The following NLGN4X variants were observed in gnomAD, a reference collection of about 807,000 sequenced individuals.
The protein encoded by NLGN4X is neuroligin-4, X-linked.
A neutral mutation model predicts 40.3 loss-of-function variants in NLGN4X; 3 were observed. That is an observed-to-expected ratio of 0.07 (90% CI 0.03 to 0.19). NLGN4X has a LOEUF of 0.19. Among genes scored for constraint, NLGN4X ranks in the 10% least tolerant of loss-of-function variants. The pLI, the probability that NLGN4X is intolerant of heterozygous loss-of-function variation, is 1.00. For missense variants in NLGN4X, 382 were observed against 708.3 expected (o/e 0.54, Z 5.23); for synonymous variants, 270 against 306.8 (o/e 0.88, Z 1.25).
chrX:5,893,034 G>A lies in NLGN4X; in HGVS notation c.2234C>T (p.Ser745Leu), dbSNP rs754514506. The A allele has an allele frequency of 5.0e-6, 6 of 1,209,019 alleles. No homozygotes were observed. The highest frequency in any genetic ancestry group is 4.4e-5 in the Admixed American group (2 of 45,588). ...CCTCAGTGTGTCGTGTGCCTGCAGC[G>A]ACTCACACTCGTGATCGTGTTCCAG... ...KQLEHDHECE[S>L]LQAHDTLRLT... is the part of the protein sequence containing the mutation. Residue 745 changes from serine (S) to leucine (L), a missense_variant, in exon 6 of 6, where the codon TCG becomes TTG. Ser to Leu is a moderately radical substitution (Grantham distance 145, BLOSUM62 -2). Around this residue, in one of 5 missense-constraint regions of NLGN4X, gnomAD observed 57 missense variants for 65.6 expected, o/e 0.87. Transcript: ENST00000381095.
chrX:6,095,916 C>CTGTT (rs1258290529), intron 2 of NLGN4X, among the ~76,000 whole-genome samples: 2 of 112,092 alleles, frequency 1.8e-5, no homozygotes, highest in African/African-American at 6.5e-5. Context: ...CATGCATCAC[C>CTGTT]TGTTTATAGC....
At chrX:6,077,307 T>TG (rs2038230069) in intron 2 of NLGN4X, among the ~76,000 whole-genome samples, 2 of 99,938 alleles carry the variant, frequency 2.0e-5, no homozygotes, top group African/African-American at 3.4e-5. Flanking sequence ...TGTGTGTGTG[T>TG]GTGGTGTGTG....
chrX:5,967,755 T>C (rs1442864842), intron 3 of NLGN4X, among the ~76,000 whole-genome samples: 4 of 111,132 alleles, frequency 3.6e-5, no homozygotes, highest in African/African-American at 1.3e-4. Flanking sequence ...CTCAAGAATA[T>C]GCACAAAGAA....
intron 1 of NLGN4X, among the ~76,000 whole-genome samples, chrX:6,219,984 A>G (rs1336446973): frequency 9.0e-6 from 1 of 111,099 alleles, no homozygotes; most frequent in African/African-American, 3.3e-5. Flanking sequence ...CTTTGATTCG[A>G]CAAAAACATA....
intron 3 of NLGN4X, among the ~76,000 whole-genome samples, chrX:5,943,397 G>C (rs973657700): frequency 7.2e-5 from 8 of 111,763 alleles, no homozygotes; most frequent in Non-Finnish European, 1.1e-4. Flanking sequence ...CTTGGGTGAT[G>C]ATGAAGAGAA....
chrX:6,201,721 G>T (rs926190295), intron 1 of NLGN4X, among the ~76,000 whole-genome samples: 2 of 111,177 alleles, frequency 1.8e-5, no homozygotes, highest in Non-Finnish European at 3.8e-5. Context: ...CATGAGCAGG[G>T]AGCAGGGTAA....
At chrX:6,005,112 G>T (rs934012491) in intron 3 of NLGN4X, among the ~76,000 whole-genome samples, 4 of 110,881 alleles carry the variant, frequency 3.6e-5, no homozygotes, top group African/African-American at 1.3e-4. Flanking sequence ...TTTACCTTCA[G>T]ATTATTTGTT....
chrX:5,970,526 C>A (rs1255270395), intron 3 of NLGN4X, among the ~76,000 whole-genome samples: 1 of 111,568 alleles, frequency 9.0e-6, no homozygotes, highest in African/African-American at 3.3e-5. Flanking sequence ...AAAATCATAT[C>A]TCCTCTCTGA....
At chrX:5,944,318 T>A (rs1333907386) in intron 3 of NLGN4X, among the ~76,000 whole-genome samples, 1 of 110,159 alleles carries the variant, frequency 9.1e-6, no homozygotes, top group Non-Finnish European at 1.9e-5. Flanking sequence ...AAAACACAAA[T>A]GAATAGGGCA....
At chrX:5,951,968 A>G (rs889451744) in intron 3 of NLGN4X, among the ~76,000 whole-genome samples, 1 of 112,314 alleles carries the variant, frequency 8.9e-6, no homozygotes, top group Admixed American at 9.5e-5. Context: ...AGTGGGAAAA[A>G]AGTTGGTCTT....
At chrX:6,087,661 A>G (rs192083346) in intron 2 of NLGN4X, among the ~76,000 whole-genome samples, 155 of 111,855 alleles carry the variant, frequency 1.4e-3, no homozygotes, top group Non-Finnish European at 2.5e-3. Flanking sequence ...ATTTTGTTGT[A>G]TAATACCCAA....
chrX:6,036,301 G>C lies in NLGN4X; in HGVS notation c.473-6869C>G, dbSNP rs778352887. Among the ~76,000 whole-genome samples, 146 of 111,527 alleles carry C rather than the reference G, an allele frequency of 1.3e-3. 2 individuals are homozygous for C. The highest frequency in any genetic ancestry group is 4.7e-3 in the African/African-American group (143 of 30,718). Reference sequence around the variant, plus strand: ...AAAAACTCCTGCTGAGATTTCGATAGAAATTACTTGCCAAATCCCAATTTT... The same window carrying C: ...AAAAACTCCTGCTGAGATTTCGATACAAATTACTTGCCAAATCCCAATTTT... On this transcript the variant is annotated intron_variant, in intron 2 of 5. Transcript: ENST00000381095.
At chrX:6,140,744 A>AT (rs36080808) in intron 2 of NLGN4X, among the ~76,000 whole-genome samples, 44,198 of 97,674 alleles carry the variant, frequency 0.45, 8,719 homozygotes, top group African/African-American at 0.68. Context: ...TGCCCAGCTA[A>AT]TTTTTTTTTT....
intron 1 of NLGN4X, among the ~76,000 whole-genome samples, chrX:6,222,268 A>G: frequency 9.0e-6 from 1 of 111,235 alleles, no homozygotes; most frequent in African/African-American, 3.3e-5. Context: ...ATGTTAATAA[A>G]ATCACATGTC....
intron 2 of NLGN4X, chrX:6,032,619 G>GA (rs878874956): frequency 0.033 from 17,282 of 518,692 alleles, 2 homozygotes; most frequent in Non-Finnish European, 0.035. Flanking sequence ...AGATTGAAAT[G>GA]AAAAAAAAAA....
At chrX:5,984,080 G>C (rs1289362453) in intron 3 of NLGN4X, among the ~76,000 whole-genome samples, 8 of 110,907 alleles carry the variant, frequency 7.2e-5, no homozygotes, top group African/African-American at 2.6e-4. Context: ...AAGCAAAAAA[G>C]AGAAAGAAAC....
chrX:5,985,950 T>C (rs779740441), intron 3 of NLGN4X, among the ~76,000 whole-genome samples: 17 of 112,370 alleles, frequency 1.5e-4, no homozygotes, highest in Non-Finnish European at 3.0e-4. Context: ...ATAAAAATTC[T>C]AGACTGTATC....
At chrX:6,188,941 T>C (rs1569290096) in intron 1 of NLGN4X, among the ~76,000 whole-genome samples, 1 of 112,293 alleles carries the variant, frequency 8.9e-6, no homozygotes, top group Non-Finnish European at 1.9e-5. Flanking sequence ...TGTAGAAAAA[T>C]TGAATGAACT....
At chrX:6,190,171 AT>A (rs953066285) in intron 1 of NLGN4X, among the ~76,000 whole-genome samples, 1 of 111,124 alleles carries the variant, frequency 9.0e-6, no homozygotes. Context: ...AAAACCTAGT[AT>A]TTGTTTATGG....
Sources: allele counts gnomAD v4.1 joint callset (sites outside exome capture counted in the v4.1 genomes callset), GRCh38; gene constraint gnomAD v4.1.1; regional missense constraint gnomAD v4.1.1; transcripts MANE v1.5; gene names NCBI Gene and HGNC (gene_info 2026-07-23, HGNC 2026-07-21).